The following DPP10 variants were observed in gnomAD, a reference collection of about 807,000 sequenced individuals.
DPP10 encodes the protein dipeptidyl peptidase like 10.
Under a neutral mutation model 120.9 loss-of-function variants are expected in DPP10, and 33 were observed. That is an observed-to-expected ratio of 0.27 (90% CI 0.21 to 0.37). DPP10 has a LOEUF of 0.37. Among genes scored for constraint, DPP10 ranks in the 10% least tolerant of loss-of-function variants. The pLI, the probability that DPP10 is intolerant of heterozygous loss-of-function variation, is 1.00. For missense variants in DPP10, 816 were observed against 942.8 expected, an observed-to-expected ratio of 0.87 and a Z score of 1.76; for synonymous variants, 337 against 326.1, an observed-to-expected ratio of 1.03 and a Z score of -0.36.
intron 1 of DPP10, among the ~76,000 whole-genome samples, chr2:114,556,743 A>G (rs896042701): frequency 6.6e-6 from 1 of 152,196 alleles, no homozygotes; most frequent in Non-Finnish European, 1.5e-5. Flanking sequence ...GGTCTAATAG[A>G]TGATGGAGTC....
chr2:115,427,446 C>G (rs1175471791), intron 3 of DPP10, among the ~76,000 whole-genome samples: 1 of 152,208 alleles, frequency 6.6e-6, no homozygotes, highest in East Asian at 1.9e-4. Flanking sequence ...TGCATGCCTA[C>G]AGGCTTAACA....
chr2:114,991,280 C>A (rs1234080214), intron 1 of DPP10, among the ~76,000 whole-genome samples: 2 of 152,134 alleles, frequency 1.3e-5, no homozygotes, highest in Admixed American at 1.3e-4. Flanking sequence ...GTTCAGACTC[C>A]GTGATCATCA....
chr2:115,205,221 T>G (rs571429028), intron 1 of DPP10, among the ~76,000 whole-genome samples: 1 of 152,348 alleles, frequency 6.6e-6, no homozygotes, highest in Admixed American at 6.5e-5. Context: ...TTTTGTAGTT[T>G]TAGGTCTTAC....
intron 22 of DPP10, 68 bp downstream of exon 22, chr2:115,836,324 A>G (rs1689523995): frequency 6.9e-7 from 1 of 1,456,228 alleles, no homozygotes; most frequent in African/African-American, 1.4e-5. Context: ...CCCAATTTAG[A>G]ATAGCTCAAT....
intron 1 of DPP10, among the ~76,000 whole-genome samples, chr2:114,658,317 C>T (rs1212304092): frequency 6.6e-6 from 1 of 152,158 alleles, no homozygotes; most frequent in African/African-American, 2.4e-5. Context: ...GTCCAGCAGG[C>T]TGACAAATTG....
At chr2:115,058,155 C>T (rs1226129211) in intron 1 of DPP10, among the ~76,000 whole-genome samples, 1 of 152,096 alleles carries the variant, frequency 6.6e-6, no homozygotes, top group Non-Finnish European at 1.5e-5. Context: ...CGAGAACATT[C>T]CCCCACAATG....
At chr2:115,293,874 G>C (rs137909678) in intron 1 of DPP10, among the ~76,000 whole-genome samples, 31 of 152,074 alleles carry the variant, frequency 2.0e-4, no homozygotes, top group African/African-American at 7.2e-4. Flanking sequence ...ACAAACTAAG[G>C]CTATAAAGAA....
intron 8 of DPP10, among the ~76,000 whole-genome samples, chr2:115,738,108 A>G (rs1378205363): frequency 6.6e-6 from 1 of 152,174 alleles, no homozygotes; most frequent in Non-Finnish European, 1.5e-5. Context: ...AAACATTCTT[A>G]TCCTGTGTGT....
intron 1 of DPP10, among the ~76,000 whole-genome samples, chr2:115,129,879 G>T (rs1364701952): frequency 6.6e-6 from 1 of 152,168 alleles, no homozygotes; most frequent in Non-Finnish European, 1.5e-5. Flanking sequence ...ATTAGAGTTG[G>T]AGAAGCTCTG....
At chr2:114,561,325 C>T (rs1166624988) in intron 1 of DPP10, among the ~76,000 whole-genome samples, 1 of 152,028 alleles carries the variant, frequency 6.6e-6, no homozygotes, top group Non-Finnish European at 1.5e-5. Context: ...ATATAAATGC[C>T]CCTAGTCCTT....
chr2:114,998,289 G>T (rs1365717685), intron 1 of DPP10, among the ~76,000 whole-genome samples: 1 of 152,086 alleles, frequency 6.6e-6, no homozygotes, highest in Admixed American at 6.5e-5. Context: ...GGGCATTATT[G>T]ATGTTTTATT....
At chr2:115,669,474 T>C (rs189398330) in intron 5 of DPP10, among the ~76,000 whole-genome samples, 27 of 152,288 alleles carry the variant, frequency 1.8e-4, no homozygotes, top group Admixed American at 1.7e-3. Context: ...TCCCAAAATG[T>C]CTTAAGGAAA....
At chr2:115,110,099 C>T (rs1392213277) in intron 1 of DPP10, among the ~76,000 whole-genome samples, 1 of 152,054 alleles carries the variant, frequency 6.6e-6, no homozygotes, top group East Asian at 1.9e-4. Flanking sequence ...CAGCGCCTGG[C>T]AAAAAAGTCA....
At chr2:114,673,763 A>T (rs1360492396) in intron 1 of DPP10, among the ~76,000 whole-genome samples, 1 of 152,166 alleles carries the variant, frequency 6.6e-6, no homozygotes, top group Non-Finnish European at 1.5e-5. Flanking sequence ...GAAAAACACT[A>T]CTTTTCATAT....
chr2:114,869,734 AG>A (rs1490274892), intron 1 of DPP10, among the ~76,000 whole-genome samples: 1 of 152,166 alleles, frequency 6.6e-6, no homozygotes, highest in Non-Finnish European at 1.5e-5. Flanking sequence ...GAGAACTACA[AG>A]TGAGAAAAGG....
chr2:115,413,846 T>G (rs1437844142), intron 3 of DPP10, among the ~76,000 whole-genome samples: 2 of 152,224 alleles, frequency 1.3e-5, no homozygotes, highest in African/African-American at 4.8e-5. Flanking sequence ...AAGTTTAATT[T>G]CAGCTGCCTG....
intron 1 of DPP10, among the ~76,000 whole-genome samples, chr2:114,575,025 G>A (rs562758469): frequency 1.2e-4 from 18 of 152,312 alleles, no homozygotes; most frequent in Middle Eastern, 3.4e-3. Flanking sequence ...GCAGGGAGAC[G>A]AAGGGGCTTG....
chr2:115,809,429 T>G (rs1686378449), intron 19 of DPP10, among the ~76,000 whole-genome samples: 1 of 152,218 alleles, frequency 6.6e-6, no homozygotes, highest in Admixed American at 6.5e-5. Context: ...CTACCTGAAA[T>G]GAATTGTCAT....
chr2:114,567,969 C>T (rs559818060), intron 1 of DPP10, among the ~76,000 whole-genome samples: 172 of 150,266 alleles, frequency 1.1e-3, no homozygotes, highest in Non-Finnish European at 2.0e-3. Context: ...ATGACAGATG[C>T]TTACCTATGT....
Sources: allele counts gnomAD v4.1 joint callset (sites outside exome capture counted in the v4.1 genomes callset), GRCh38; gene constraint gnomAD v4.1.1; transcripts MANE v1.5; gene names NCBI Gene and HGNC (gene_info 2026-07-23, HGNC 2026-07-21).